THAP4: variants seen among roughly 807,000 people sequenced by gnomAD.
THAP4 encodes the protein THAP domain containing 4.
THAP4 carries 18 observed loss-of-function variants against 48.1 expected under a neutral mutation model. That is an observed-to-expected ratio of 0.37 (90% confidence interval 0.26 to 0.56). THAP4 has a LOEUF of 0.56. Among genes scored for constraint, THAP4 ranks in the 20% least tolerant of loss-of-function variants. The pLI, the probability that THAP4 is intolerant of heterozygous loss-of-function variation, is 0.78. For synonymous variants in THAP4, 345 were observed against 324.9 expected (o/e 1.06, Z -0.66); for missense variants, 656 against 774.9 (o/e 0.85, Z 1.82).
At chr2:241,605,936 A>G (rs1429385124) in intron 3 of THAP4, among the ~76,000 whole-genome samples, 1 of 152,130 alleles carries the variant, frequency 6.6e-6, no homozygotes, top group Non-Finnish European at 1.5e-5. Flanking sequence ...CTGGTCTTCA[A>G]TTCCTAAGCT....
At chr2:241,604,736 CAA>C (rs879698842) in intron 3 of THAP4, among the ~76,000 whole-genome samples, 2 of 150,292 alleles carry the variant, frequency 1.3e-5, no homozygotes, top group Admixed American at 6.6e-5. Context: ...TTTATTAAAA[CAA>C]ATTTTTTTAG....
intron 5 of THAP4, among the ~76,000 whole-genome samples, chr2:241,598,008 AATAG>A (rs779811911): frequency 6.6e-6 from 1 of 152,140 alleles, no homozygotes; most frequent in African/African-American, 2.4e-5. Context: ...ACCCTGATAA[AATAG>A]ATAACCTCTG....
At chr2:241,585,924 AAAAAAGAAAAAAAAAAG>A in intron 5 of THAP4, among the ~76,000 whole-genome samples, 1 of 144,408 alleles carries the variant, frequency 6.9e-6, no homozygotes. Flanking sequence ...AAAAAAAAAA[AAAAAAGAAAAAAAAAAG>A]AAAAAGAAAA....
intron 2 of THAP4, among the ~76,000 whole-genome samples, chr2:241,619,796 G>C (rs146085442): frequency 7.2e-6 from 1 of 139,044 alleles, no homozygotes; most frequent in African/African-American, 2.7e-5. Context: ...TGAGGGGTGC[G>C]TGAGTCGTGA....
At chr2:241,620,618 G>T (rs1378458143) in intron 2 of THAP4, among the ~76,000 whole-genome samples, 1 of 148,306 alleles carries the variant, frequency 6.7e-6, no homozygotes, top group African/African-American at 2.5e-5. Flanking sequence ...TGAGGGATGA[G>T]TGAGGGGTGA....
chr2:241,610,022 C>T lies in THAP4; in HGVS notation c.1241-3549G>A, dbSNP rs2067244174. Reference sequence around the variant, plus strand: ...AGGTTCTGAGCTGCTGCACCGGGGCCGCGATCTCCACCCCTCACGCCCGAG... The same window carrying T: ...AGGTTCTGAGCTGCTGCACCGGGGCTGCGATCTCCACCCCTCACGCCCGAG... On this transcript the variant is annotated intron_variant, in intron 2 of 5. Transcript: ENST00000407315. This position sits in a 1 kb window ranked among gnomAD's most constrained non-coding sequence, Gnocchi z 4.2. 1.3e-5 allele frequency among the ~76,000 whole-genome samples: 2 copies of T among 152,196 alleles called. No individual in the cohort carries two copies. The highest frequency in any genetic ancestry group is 2.9e-5 in the Non-Finnish European group (2 of 68,034).
chr2:241,620,190 AGGG>A (rs2067407408), intron 2 of THAP4, among the ~76,000 whole-genome samples: 1 of 20,240 alleles, frequency 4.9e-5, no homozygotes, highest in South Asian at 3.1e-3. Context: ...TCGGTGAGTG[AGGG>A]GTGAGGAGTG....
chr2:241,588,131 T>C (rs374407139), intron 5 of THAP4, among the ~76,000 whole-genome samples: 1 of 152,006 alleles, frequency 6.6e-6, no homozygotes, highest in East Asian at 1.9e-4. Context: ...GAGATCAATA[T>C]ACAACAGCTA....
intron 2 of THAP4, among the ~76,000 whole-genome samples, chr2:241,621,216 C>T (rs548650025): frequency 1.6e-4 from 25 of 152,012 alleles, no homozygotes; most frequent in Non-Finnish European, 2.6e-4. Flanking sequence ...GGCGTGGTGG[C>T]GGGTGCCTGT....
At chr2:241,629,343 T>C (rs941977787) in intron 2 of THAP4, among the ~76,000 whole-genome samples, 1 of 151,866 alleles carries the variant, frequency 6.6e-6, no homozygotes, top group South Asian at 2.1e-4. Flanking sequence ...TGGTGGTATG[T>C]GCCTGTAGTC....
Position 241,633,881 on chromosome 2 carries a change from C to G in THAP4, c.276G>C (p.Arg92Ser), listed in dbSNP as rs759486716. Residue 92 changes from arginine to serine, a missense_variant, in exon 2 of 6, where the codon AGG becomes AGC. Physicochemically the swap from Arg to Ser is moderately radical, Grantham distance 110 (BLOSUM62 -1). Coordinates refer to ENST00000407315, the MANE Select transcript of THAP4 (RefSeq NM_015963.6). This position sits in a 1 kb window ranked among gnomAD's most constrained non-coding sequence, Gnocchi z 7.5. ...GGGTGCGGCCATGGCCTCCAGCCCC[C>G]CTCTTCTTCTCGGTCAGGTGGAAGA... ...PSIFHLTEKKRGAGGHGRTRR... is the reference protein window; with the variant it reads ...PSIFHLTEKKSGAGGHGRTRR... The G allele has an allele frequency of 8.7e-6, 14 of 1,613,918 alleles. 1 individual carries two copies. Among genetic ancestry groups the G allele is most frequent in the African/African-American group, 4.0e-5 (3 of 74,932 alleles).
intron 5 of THAP4, among the ~76,000 whole-genome samples, chr2:241,600,014 G>A (rs941416331): frequency 1.3e-5 from 2 of 151,800 alleles, no homozygotes; most frequent in African/African-American, 4.8e-5. Flanking sequence ...TTTGTGACCA[G>A]CCTGGTCAAC....
intron 5 of THAP4, chr2:241,585,204 T>C (rs192018228): frequency 6.7e-4 from 103 of 154,180 alleles, no homozygotes; most frequent in Non-Finnish European, 1.3e-3. Context: ...AATACCATCT[T>C]TGGAACAGTA....
Position 241,633,278 on chromosome 2 carries a change from C to T in THAP4, c.879G>A (p.Pro293=), listed in dbSNP as rs147500721. ...CAGAGGGGCTCTGGGAAGGCTTCTG[C>T]GGTGTCGCGGTAAGTGATGAGCTGG... is the stretch of plus-strand genomic sequence containing the variant. ...SPPSSSLTAT[P]QKPSQSPSAP... The change falls in exon 2 of 6, where the codon CCG becomes CCA. Residue 293 remains proline, a synonymous_variant. Coordinates refer to ENST00000407315, the MANE Select transcript of THAP4 (RefSeq NM_015963.6). The surrounding 1 kb of genome is among the most constrained non-coding windows in gnomAD (Gnocchi z 7.5). The T allele has an allele frequency of 2.1e-3, 3,453 of 1,611,444 alleles. 79 individuals are homozygous for T. In the African/African-American group the frequency reaches 0.041, roughly 19 times the overall value.
chr2:241,616,559 G>A lies in THAP4; in HGVS notation c.1241-10086C>T, dbSNP rs546311252. 1.3e-5 allele frequency among the ~76,000 whole-genome samples: 2 copies of A among 152,328 alleles called. No individual in the cohort carries two copies. The highest frequency in any genetic ancestry group is 4.8e-5 in the African/African-American group (2 of 41,584). On this transcript the variant is annotated intron_variant, in intron 2 of 5. Transcript: ENST00000407315. The surrounding 1 kb of genome is among the most constrained non-coding windows in gnomAD (Gnocchi z 4.6). ...CAAGTCCCGCGGGCCCTGGAGAGAA[G>A]CTACCCTGCAGGCGGCTGCTGCTTC...
At chr2:241,631,394 C>G (rs2067559057) in intron 2 of THAP4, among the ~76,000 whole-genome samples, 1 of 152,116 alleles carries the variant, frequency 6.6e-6, no homozygotes, top group South Asian at 2.1e-4. Flanking sequence ...ATCTAGAAAC[C>G]AATTTTAAGA....
chr2:241,637,298 C>A (rs1490252237), upstream of THAP4: 2 of 1,154,462 alleles, frequency 1.7e-6, no homozygotes, highest in East Asian at 9.3e-5. Flanking sequence ...GGCAGACGGG[C>A]GGGGGAGTCG....
intron 2 of THAP4, chr2:241,617,358 T>C: frequency 1.5e-6 from 2 of 1,308,996 alleles, no homozygotes; most frequent in Non-Finnish European, 2.1e-6. Flanking sequence ...TTAAATTTCC[T>C]GCAAGAAATT....
In THAP4 at chr2:241,610,294, C is replaced by A. The variant is rs923679247; in HGVS notation, c.1241-3821G>T. On this transcript the variant is annotated intron_variant, in intron 2 of 5. Coordinates refer to ENST00000407315, the MANE Select transcript of THAP4 (RefSeq NM_015963.6). The surrounding 1 kb of genome is among the most constrained non-coding windows in gnomAD (Gnocchi z 4.2). ...CGCCGGCCCCGCCCCGGAAGCGCAG[C>A]CCCGCCTCAGGCGCCGCATCTCCGC... Among the ~76,000 whole-genome samples the A allele has an allele frequency of 9.2e-5, 14 of 152,146 alleles. No individual in the cohort carries two copies. The highest frequency in any genetic ancestry group is 3.4e-4 in the African/African-American group (14 of 41,452).
Sources: allele counts gnomAD v4.1 joint callset (sites outside exome capture counted in the v4.1 genomes callset), GRCh38; gene constraint gnomAD v4.1.1; non-coding constraint Gnocchi (gnomAD v3.1); transcripts MANE v1.5; gene names NCBI Gene and HGNC (gene_info 2026-07-23, HGNC 2026-07-21).